Variants in LRTM3 observed in about 807,000 individuals in gnomAD.
The protein encoded by LRTM3 is leucine rich repeat transmembrane protein 3.
At chr13:102,729,698 T>A in the LRTM3 span, 1 of 1,552,052 alleles carries the variant, frequency 6.4e-7, no homozygotes, top group Non-Finnish European at 8.7e-7. Context: ...GATATCGTCA[T>A]GATGAGGTTT....
At chr13:102,737,527 G>A in the LRTM3 span, 52 of 1,549,784 alleles carry the variant, frequency 3.4e-5, no homozygotes, top group Middle Eastern at 1.7e-4. Flanking sequence ...CACCTTCTCC[G>A]TCCTCTTTCC....
the LRTM3 span, chr13:102,749,107 T>C: frequency 1.3e-6 from 2 of 1,549,708 alleles, no homozygotes; most frequent in African/African-American, 1.4e-5. Flanking sequence ...TCCTTTCATG[T>C]AATTCTTTCT....
At chr13:102,732,669 G>A in the LRTM3 span, 6 of 1,551,190 alleles carry the variant, frequency 3.9e-6, no homozygotes, top group Non-Finnish European at 5.2e-6. Context: ...AGAGATAGAA[G>A]ATGCGGGTGT....
the LRTM3 span, chr13:102,732,156 T>A: frequency 4.5e-6 from 7 of 1,551,224 alleles, no homozygotes; most frequent in Non-Finnish European, 5.2e-6. Flanking sequence ...ATTTCACTAG[T>A]GTTTGGTGAT....
the LRTM3 span, among the ~76,000 whole-genome samples, chr13:102,754,028 A>G: frequency 6.6e-6 from 1 of 152,064 alleles, no homozygotes; most frequent in African/African-American, 2.4e-5. Context: ...CAACATGGTG[A>G]AACCCCAACT....
the LRTM3 span, chr13:102,730,722 C>T: frequency 6.4e-7 from 1 of 1,551,702 alleles, no homozygotes; most frequent in African/African-American, 1.4e-5. Flanking sequence ...CTTTGTCCAC[C>T]AGCATTTACG....
the LRTM3 span, among the ~76,000 whole-genome samples, chr13:102,753,856 A>C: frequency 6.6e-6 from 1 of 152,224 alleles, no homozygotes. Context: ...AGTCTAATAT[A>C]GTAATCCCAT....
the LRTM3 span, chr13:102,750,471 C>T: frequency 1.2e-6 from 1 of 810,558 alleles, no homozygotes; most frequent in Non-Finnish European, 1.9e-6. Flanking sequence ...GAAAATGCAG[C>T]ATAGTATATG....
chr13:102,758,959 G>T, the LRTM3 span: 3 of 1,323,378 alleles, frequency 2.3e-6, no homozygotes, highest in Non-Finnish European at 3.1e-6. Context: ...AAAGAGACTG[G>T]TGTCTCATTC....
chr13:102,742,730 G>C, the LRTM3 span: 1 of 1,550,670 alleles, frequency 6.4e-7, no homozygotes, highest in South Asian at 1.2e-5. Flanking sequence ...TGACCTGTCA[G>C]CCATTTTAAG....
At chr13:102,732,592 C>T in the LRTM3 span, 1 of 1,551,096 alleles carries the variant, frequency 6.4e-7, no homozygotes, top group Non-Finnish European at 8.7e-7. Context: ...TCTGCTTTTG[C>T]ATGATTAGGC....
At chr13:102,729,435 T>A in the LRTM3 span, 1 of 1,440,440 alleles carries the variant, frequency 6.9e-7, no homozygotes, top group Non-Finnish European at 9.1e-7. Context: ...TTCAGAGGAG[T>A]TTAGCTATGG....
At chr13:102,742,863 T>C in the LRTM3 span, 1 of 1,550,844 alleles carries the variant, frequency 6.4e-7, no homozygotes, top group South Asian at 1.2e-5. Flanking sequence ...ATGTTCTGTT[T>C]ATCATATTTG....
At chr13:102,750,051 T>C in the LRTM3 span, 2 of 1,550,306 alleles carry the variant, frequency 1.3e-6, no homozygotes, top group Non-Finnish European at 1.7e-6. Context: ...GCTGAAAAGC[T>C]AAGATCAGAA....
At chr13:102,755,113 T>C in the LRTM3 span, among the ~76,000 whole-genome samples, 11 of 152,022 alleles carry the variant, frequency 7.2e-5, no homozygotes, top group Non-Finnish European at 1.2e-4. Flanking sequence ...TCAGCTCGGG[T>C]CCCCGGATTT....
At chr13:102,740,858 A>G in the LRTM3 span, 36 of 1,549,964 alleles carry the variant, frequency 2.3e-5, 2 homozygotes, top group South Asian at 4.0e-4. Flanking sequence ...TGGTGACTTA[A>G]TCTGAAGTAC....
the LRTM3 span, chr13:102,730,310 A>G: frequency 7.5e-3 from 11,632 of 1,551,386 alleles, 59 homozygotes; most frequent in Non-Finnish European, 9.3e-3. Flanking sequence ...TTCCAGAAAC[A>G]CACATTCCTC....
At chr13:102,747,830 T>G in the LRTM3 span, 1 of 1,551,312 alleles carries the variant, frequency 6.4e-7, no homozygotes, top group Non-Finnish European at 8.7e-7. Context: ...TTGGACTTCT[T>G]GCTCTTTATT....
At chr13:102,738,174 C>T in the LRTM3 span, 1 of 1,550,806 alleles carries the variant, frequency 6.4e-7, no homozygotes, top group South Asian at 1.2e-5. Context: ...GCTTTCAGAC[C>T]TTTGTCTTCT....
Sources: allele counts gnomAD v4.1 joint callset (sites outside exome capture counted in the v4.1 genomes callset), GRCh38; gene constraint gnomAD v4.1.1; transcripts MANE v1.5; gene names NCBI Gene and HGNC (gene_info 2026-07-23, HGNC 2026-07-21).